The following TARS3 variants were observed in gnomAD, a reference collection of about 807,000 sequenced individuals.
TARS3 encodes threonyl-tRNA synthetase 3.
TARS3 carries 94 observed loss-of-function variants against 103.5 expected under a neutral mutation model. The observed-to-expected ratio is 0.91, with a 90% CI of 0.77 to 1.08. The LOEUF is 1.08. TARS3 is among the 50% of genes least tolerant of loss of function. TARS3 has a pLI of 0.00. For missense variants in TARS3, 952 were observed against 995.2 expected (o/e 0.96, Z 0.58); for synonymous variants, 416 against 355.4 (o/e 1.17, Z -1.92).
Position 101,665,602 on chromosome 15 carries a change from A to G in TARS3, c.1968-3786T>C, listed in dbSNP as rs75552729. 4.7e-3 allele frequency among the ~76,000 whole-genome samples: 722 copies of G among 152,304 alleles called. 39 individuals carry two copies. The East Asian group carries it at 0.13, about 27-fold the overall frequency. On this transcript the variant is annotated intron_variant, in intron 15 of 18. Coordinates refer to ENST00000335968, the MANE Select transcript of TARS3 (RefSeq NM_152334.3). ...TTGTTCAACACTCTAAACAACATAC[A>G]GTGTAGATGACAGGAAAGCTCTCAT... is the stretch of plus-strand genomic sequence containing the variant.
intron 16 of TARS3, among the ~76,000 whole-genome samples, chr15:101,660,646 T>G (rs1761880668): frequency 6.6e-6 from 1 of 152,212 alleles, no homozygotes; most frequent in Non-Finnish European, 1.5e-5. Flanking sequence ...ACAAGACCAC[T>G]GGCTATTACC....
chr15:101,709,549 C>T (rs62027621), intron 5 of TARS3, among the ~76,000 whole-genome samples: 174 of 152,324 alleles, frequency 1.1e-3, no homozygotes, highest in Non-Finnish European at 2.0e-3. Flanking sequence ...CCCTCCACTC[C>T]GGTCGGCTTC....
chr15:101,699,399 G>A (rs971723488), intron 10 of TARS3: 14 of 455,682 alleles, frequency 3.1e-5, no homozygotes, highest in Non-Finnish European at 5.3e-5. Context: ...TCACAATCAG[G>A]CCCTGCTCCT....
chr15:101,685,822 A>C (rs1477622065), intron 11 of TARS3, 74 bp downstream of exon 11: 3 of 1,235,454 alleles, frequency 2.4e-6, no homozygotes, highest in East Asian at 2.5e-5. Context: ...CATTCCACAA[A>C]GCATTAAAAG....
At position 101,702,371 on chromosome 15, in the gene TARS3, A is replaced by G. The variant is rs369025722; in HGVS notation, c.1089T>C (p.Tyr363=). ...TIKIFKNSST[Y]WEGNPEMETL... is the part of the protein sequence containing the mutation. The stretch of plus-strand genomic sequence containing the variant: ...TTTCCATTTCCGGATTGCCCTCCCA[A>G]TATGTTGAGGAATTCTAAATATCAA... The change falls in exon 9 of 19, where the codon TAT becomes TAC. Residue 363 remains tyrosine, a synonymous_variant. Transcript: ENST00000335968. 3.7e-6 allele frequency: 6 copies of G among 1,613,662 alleles called. No individual in the cohort carries two copies. The highest frequency in any genetic ancestry group is 1.7e-4 in the Middle Eastern group (1 of 6,060).
chr15:101,682,675 C>T (rs1898302773), intron 12 of TARS3, among the ~76,000 whole-genome samples: 1 of 152,084 alleles, frequency 6.6e-6, no homozygotes, highest in East Asian at 1.9e-4. Context: ...AAGATTTCCT[C>T]CTCTTCAATT....
intron 4 of TARS3, among the ~76,000 whole-genome samples, chr15:101,713,127 G>A (rs1016408045): frequency 2.6e-5 from 4 of 152,200 alleles, no homozygotes; most frequent in Non-Finnish European, 5.9e-5. Context: ...GCCTATTGGC[G>A]AAGACACAGG....
chr15:101,688,213 A>T (rs1898557854), intron 10 of TARS3, among the ~76,000 whole-genome samples: 1 of 152,190 alleles, frequency 6.6e-6, no homozygotes, highest in Non-Finnish European at 1.5e-5. Context: ...CTGGCAAAAT[A>T]TTACCAACTA....
At position 101,686,004 on chromosome 15, in the gene TARS3, T is replaced by C. The variant is rs765498630; in HGVS notation, c.1379A>G (p.Lys460Arg). The C allele has an allele frequency of 8.7e-6, 14 of 1,614,016 alleles. No homozygotes were observed. The South Asian group carries it at 1.3e-4, about 15-fold the overall frequency. The stretch of plus-strand genomic sequence containing the variant: ...CCAGTGGCCTGAGGCTTCCCAGAGT[T>C]TACTGTTGTACATATTGGGAGAGAG... Reference protein sequence around the residue: ...EVLSPNMYNSKLWEASGHWQH... With the variant: ...EVLSPNMYNSRLWEASGHWQH... Residue 460 changes from lysine (K) to arginine (R), a missense_variant, in exon 11 of 19, where the codon AAA (lysine) becomes AGA (arginine). Physicochemically the swap from Lys to Arg is conservative, Grantham distance 26 (BLOSUM62 2). This residue lies in a region of TARS3 where 540 missense variants were observed against 631.0 expected (regional missense o/e 0.86). Coordinates refer to ENST00000335968, the MANE Select transcript of TARS3 (RefSeq NM_152334.3).
chr15:101,689,077 T>C (rs903839026), intron 10 of TARS3, among the ~76,000 whole-genome samples: 6 of 152,200 alleles, frequency 3.9e-5, no homozygotes, highest in Non-Finnish European at 7.3e-5. Context: ...AGATTGTCCA[T>C]TGCCCATTAT....
chr15:101,676,247 A>T (rs1898022330), intron 12 of TARS3, among the ~76,000 whole-genome samples: 1 of 152,218 alleles, frequency 6.6e-6, no homozygotes, highest in South Asian at 2.1e-4. Context: ...GGCTGAGAAC[A>T]ACGGGGAGGC....
At chr15:101,681,190 G>T (rs561266408) in intron 12 of TARS3, among the ~76,000 whole-genome samples, 2 of 152,196 alleles carry the variant, frequency 1.3e-5, no homozygotes, top group African/African-American at 4.8e-5. Flanking sequence ...CATAATTCTT[G>T]AAACCAAGCA....
At chr15:101,679,629 T>A (rs1898175765) in intron 12 of TARS3, among the ~76,000 whole-genome samples, 1 of 152,246 alleles carries the variant, frequency 6.6e-6, no homozygotes, top group Non-Finnish European at 1.5e-5. Context: ...AGTGTTACCG[T>A]TCATAGATTG....
intron 6 of TARS3, 68 bp downstream of exon 6, chr15:101,708,725 G>A: frequency 9.6e-7 from 1 of 1,038,030 alleles, no homozygotes. Context: ...TTGGGGGAAG[G>A]TGGGGAAGCT....
intron 10 of TARS3, among the ~76,000 whole-genome samples, chr15:101,696,246 G>T (rs1488360026): frequency 6.8e-6 from 1 of 147,748 alleles, no homozygotes; most frequent in African/African-American, 2.5e-5. Context: ...AAAAAGAAGT[G>T]GGGCACGTTT....
At chr15:101,720,101 C>T (rs1447591908) in intron 3 of TARS3, among the ~76,000 whole-genome samples, 2 of 152,166 alleles carry the variant, frequency 1.3e-5, no homozygotes, top group East Asian at 3.8e-4. Context: ...CACATCATTC[C>T]TCCTGGAAAA....
At chr15:101,674,471 T>C (rs1478989770) in intron 13 of TARS3, among the ~76,000 whole-genome samples, 1 of 152,162 alleles carries the variant, frequency 6.6e-6, no homozygotes, top group Non-Finnish European at 1.5e-5. Context: ...TCATGCTAGT[T>C]TTTGCTGTTG....
At chr15:101,689,792 G>A (rs1294475233) in intron 10 of TARS3, among the ~76,000 whole-genome samples, 1 of 152,174 alleles carries the variant, frequency 6.6e-6, no homozygotes, top group Non-Finnish European at 1.5e-5. Context: ...AAGTCACCTA[G>A]TTTATGGTAT....
chr15:101,660,276 G>A (rs899552022), intron 16 of TARS3, among the ~76,000 whole-genome samples: 1 of 152,196 alleles, frequency 6.6e-6, no homozygotes, highest in African/African-American at 2.4e-5. Flanking sequence ...GGAATGGGAG[G>A]TAGAAATTTC....
Sources: allele counts gnomAD v4.1 joint callset (sites outside exome capture counted in the v4.1 genomes callset), GRCh38; gene constraint gnomAD v4.1.1; regional missense constraint gnomAD v4.1.1; transcripts MANE v1.5; gene names NCBI Gene and HGNC (gene_info 2026-07-23, HGNC 2026-07-21).